TMEM9B: variants seen among roughly 807,000 people sequenced by gnomAD.
The protein encoded by TMEM9B is TMEM9 domain family member B.
Under a neutral mutation model 23.5 loss-of-function variants are expected in TMEM9B, and 8 were observed. The ratio of observed to expected loss-of-function variants is 0.34; its 90% CI spans 0.20 to 0.61. TMEM9B has a LOEUF of 0.61. TMEM9B is among the 20% of genes least tolerant of loss of function. The pLI, the probability that TMEM9B is intolerant of heterozygous loss-of-function variation, is 0.78. For synonymous variants in TMEM9B, 106 were observed against 96.3 expected (o/e 1.10, Z -0.59); for missense variants, 197 against 252.3 (o/e 0.78, Z 1.49).
upstream of TMEM9B, chr11:8,964,472 G>T (rs7940895): frequency 3.5e-3 from 4,986 of 1,422,330 alleles, 128 homozygotes; most frequent in African/African-American, 0.058. Context: ...GGCGCGCCGG[G>T]TCAGATGCAA....
Position 8,948,244 on chromosome 11 carries a change from A to C in TMEM9B, c.*76T>G. ...GTGAAATCAACAAGGTATTAAAATG[A>C]AACCCAGCAAAACCCAGTCAGTTCT... is the stretch of plus-strand genomic sequence containing the variant. On this transcript the variant is annotated 3_prime_UTR_variant, in exon 5 of 5. Coordinates refer to ENST00000534025, the MANE Select transcript of TMEM9B (RefSeq NM_020644.3). 6.6e-7 allele frequency: 1 copy of C among 1,510,234 alleles called. No individual in the cohort carries two copies. The highest frequency in any genetic ancestry group is 1.3e-5 in the South Asian group (1 of 76,090). 93.6% of individuals were successfully genotyped at this position (1,510,234 alleles called of 1,614,324 possible).
At position 8,949,830 on chromosome 11, in the gene TMEM9B, A is replaced by AT. The variant is rs564879366; in HGVS notation, c.442-1356dup. On this transcript the variant is annotated intron_variant, in intron 4 of 4. Coordinates refer to ENST00000534025, the MANE Select transcript of TMEM9B (RefSeq NM_020644.3). ...AAAACTCAAGTTATTTAAAAAGTGG[A>AT]TTTTTTTTTTTTAAAGAGATGGGGT... Among the ~76,000 whole-genome samples the AT allele has an allele frequency of 3.3e-3, 481 of 144,848 alleles. 2 individuals carry two copies. Among genetic ancestry groups the AT allele is most frequent in the African/African-American group, 9.4e-3 (374 of 39,594 alleles).
chr11:8,952,929 G>T (rs1853910912), intron 4 of TMEM9B: 2 of 577,696 alleles, frequency 3.5e-6, no homozygotes, highest in Admixed American at 6.1e-5. Context: ...AATGTAAACA[G>T]GGAATGGCAA....
At chr11:8,964,489 T>G (rs1479502227), upstream of TMEM9B, 3 of 1,415,594 alleles carry the variant, frequency 2.1e-6, no homozygotes, top group African/African-American at 3.0e-5. Context: ...GCAAAAAGCA[T>G]CCGCCCCGGA....
intron 3 of TMEM9B, among the ~76,000 whole-genome samples, chr11:8,953,819 T>C (rs945254529): frequency 6.6e-6 from 1 of 152,210 alleles, no homozygotes; most frequent in African/African-American, 2.4e-5. Flanking sequence ...ACAGCCCTCA[T>C]ACGCTGTGGT....
At chr11:8,954,832 G>T (rs188468697) in intron 3 of TMEM9B, among the ~76,000 whole-genome samples, 7 of 152,156 alleles carry the variant, frequency 4.6e-5, no homozygotes, top group Non-Finnish European at 7.4e-5. Context: ...GGGCCTTTTG[G>T]GGGGAAAGGA....
chr11:8,956,716 CTTT>C (rs1198464977), intron 2 of TMEM9B, among the ~76,000 whole-genome samples: 1 of 152,054 alleles, frequency 6.6e-6, no homozygotes, highest in Non-Finnish European at 1.5e-5. Context: ...TAACATCATT[CTTT>C]TTTGTTGTTG....
At chr11:8,954,943 G>T (rs1200780253) in intron 3 of TMEM9B, among the ~76,000 whole-genome samples, 1 of 152,112 alleles carries the variant, frequency 6.6e-6, no homozygotes, top group Non-Finnish European at 1.5e-5. Context: ...ACGAGGTCAG[G>T]AGTTCGAGAC....
chr11:8,964,389 G>C lies in TMEM9B; in HGVS notation c.-76C>G. 6.6e-7 allele frequency: 1 copy of C among 1,519,564 alleles called. No homozygotes were observed. The highest frequency in any genetic ancestry group is 8.8e-7 in the Non-Finnish European group (1 of 1,136,034). 94.1% of individuals were successfully genotyped at this position (1,519,564 alleles called of 1,614,324 possible). A position where few individuals can be genotyped will look rare whatever the true frequency, so the allele number is the denominator to read the frequency against. The stretch of plus-strand genomic sequence containing the variant: ...GGCTCGGGCTCAGGCTCAGGCTCAG[G>C]CTCAGGCACAGGCTTGGGACCCGGC... On this transcript the variant is annotated 5_prime_UTR_variant, in exon 1 of 5. Transcript: ENST00000534025.
At chr11:8,951,472 C>T (rs1459688264) in intron 4 of TMEM9B, among the ~76,000 whole-genome samples, 2 of 152,056 alleles carry the variant, frequency 1.3e-5, no homozygotes. Flanking sequence ...GAAAATTCAG[C>T]TGGGTGCGGT....
rs962404197 is a variant in TMEM9B, at chr11:8,956,235, T to C, written c.261A>G (p.Leu87=). ...VRGPDVEAYC[L]RCECKYEERS... is the part of the protein sequence containing the mutation. ...TTTCTTCATATTTGCATTCACAGCG[T>C]AGACAGTATGCTTCTACATCAGGCC... The change falls in exon 3 of 5, where the codon CTA becomes CTG. Residue 87 remains leucine, a synonymous_variant. Transcript: ENST00000534025. 3.3e-5 allele frequency: 54 copies of C among 1,613,798 alleles called. No homozygotes were observed. Among genetic ancestry groups the C allele is most frequent in the Non-Finnish European group, 4.1e-5 (48 of 1,180,034 alleles).
Position 8,964,391 on chromosome 11 carries a change from T to A in TMEM9B, c.-78A>T, listed in dbSNP as rs1589950672. 1 of 1,516,412 alleles carries A rather than the reference T, an allele frequency of 6.6e-7. No homozygotes were observed. Among genetic ancestry groups the A allele is most frequent in the South Asian group, 1.2e-5 (1 of 80,062 alleles). The allele number at this position is 1,516,412 out of a possible 1,614,324, so 93.9% of individuals were successfully genotyped here. A position where few individuals can be genotyped will look rare whatever the true frequency, so the allele number is the denominator to read the frequency against. ...CTCGGGCTCAGGCTCAGGCTCAGGCTCAGGCACAGGCTTGGGACCCGGCTG... is the reference window on the plus strand; with the variant it reads ...CTCGGGCTCAGGCTCAGGCTCAGGCACAGGCACAGGCTTGGGACCCGGCTG... On this transcript the variant is annotated 5_prime_UTR_variant, in exon 1 of 5. Coordinates refer to ENST00000534025, the MANE Select transcript of TMEM9B (RefSeq NM_020644.3).
intron 1 of TMEM9B, 75 bp downstream of exon 1, chr11:8,964,134 T>A: frequency 5.6e-6 from 8 of 1,440,574 alleles, no homozygotes; most frequent in Non-Finnish European, 7.5e-6. Context: ...AAGGAGCAGG[T>A]TGGCAGACCC....
chr11:8,958,074 G>C (rs369379539), intron 2 of TMEM9B, among the ~76,000 whole-genome samples: 1 of 144,638 alleles, frequency 6.9e-6, no homozygotes, highest in Non-Finnish European at 1.5e-5. Context: ...CTTGAGAATC[G>C]CTTGAACCTG....
Position 8,948,053 on chromosome 11 carries a change from A to G in TMEM9B, c.*267T>C. ...TGTTCCAGGTAAAGGACTTCAAGAT[A>G]ATTTACAGGCAGATTTATTTTTATT... On this transcript the variant is annotated 3_prime_UTR_variant, in exon 5 of 5. Coordinates refer to ENST00000534025, the MANE Select transcript of TMEM9B (RefSeq NM_020644.3). The G allele has an allele frequency of 3.4e-6, 1 of 292,296 alleles. No homozygotes were observed. Among genetic ancestry groups the G allele is most frequent in the South Asian group, 6.8e-5 (1 of 14,808 alleles). 18.1% of individuals were successfully genotyped at this position (292,296 alleles called of 1,614,324 possible).
chr11:8,956,398 C>A, intron 2 of TMEM9B, 100 bp from the exon 3 acceptor site: 1 of 791,052 alleles, frequency 1.3e-6, no homozygotes, highest in Non-Finnish European at 2.0e-6. Context: ...TAAACTTACC[C>A]AATGAAAGAG....
chr11:8,950,897 C>T (rs1853864230), intron 4 of TMEM9B, among the ~76,000 whole-genome samples: 1 of 152,258 alleles, frequency 6.6e-6, no homozygotes, highest in East Asian at 1.9e-4. Flanking sequence ...TAGTGCAGAA[C>T]TCACATCTTG....
Position 8,964,405 on chromosome 11 carries a change from G to A in TMEM9B, c.-92C>T. 5 of 1,411,526 alleles carry A rather than the reference G, an allele frequency of 3.5e-6. No individual in the cohort carries two copies. In the African/African-American group the frequency reaches 4.8e-5, roughly 14 times the overall value. The allele number at this position is 1,411,526 out of a possible 1,614,324, so 87.4% of individuals were successfully genotyped here. A position where few individuals can be genotyped will look rare whatever the true frequency, so the allele number is the denominator to read the frequency against. On this transcript the variant is annotated 5_prime_UTR_variant, in exon 1 of 5. Coordinates refer to ENST00000534025, the MANE Select transcript of TMEM9B (RefSeq NM_020644.3). ...CAGGCTCAGGCTCAGGCACAGGCTT[G>A]GGACCCGGCTGGGGATCCTCCGCCC...
At chr11:8,952,330 G>GTGTGTC (rs1236845755) in intron 4 of TMEM9B, among the ~76,000 whole-genome samples, 3 of 151,106 alleles carry the variant, frequency 2.0e-5, no homozygotes, top group Non-Finnish European at 4.4e-5. Flanking sequence ...GTGTGTGTGT[G>GTGTGTC]TGTGTGTGAG....
Sources: allele counts gnomAD v4.1 joint callset (sites outside exome capture counted in the v4.1 genomes callset), GRCh38; gene constraint gnomAD v4.1.1; transcripts MANE v1.5; gene names NCBI Gene and HGNC (gene_info 2026-07-23, HGNC 2026-07-21).